Variants in RP1 observed in about 807,000 individuals in gnomAD.
The protein encoded by RP1 is oxygen-regulated protein 1.
RP1 carries 16 observed loss-of-function variants against 14.8 expected under a neutral mutation model. That is an observed-to-expected ratio of 1.08 (90% CI 0.73 to 1.65). RP1 has a LOEUF of 1.65. Ranked by LOEUF, RP1 falls within the 40% of genes most tolerant of loss-of-function variation. The probability of loss-of-function intolerance (pLI) is 0.00; values close to 1 mark genes in which losing one functional copy is unlikely to be tolerated. For synonymous variants in RP1, 876 were observed against 883.6 expected, an observed-to-expected ratio of 0.99 and a Z score of 0.15; for missense variants, 2,631 against 2,535.0, an observed-to-expected ratio of 1.04 and a Z score of -0.81.
At chr8:54,696,869 G>A in intron 12 of RP1, 2 of 767,978 alleles carry the variant, frequency 2.6e-6, no homozygotes, top group Middle Eastern at 3.6e-4. Flanking sequence ...ATGTGGACAA[G>A]CCAAGGTCAA....
chr8:54,847,718 T>G (rs1011561081), intron 25 of RP1, among the ~76,000 whole-genome samples: 13 of 152,240 alleles, frequency 8.5e-5, no homozygotes, highest in African/African-American at 3.1e-4. Flanking sequence ...TTATCCAACC[T>G]GCTGCTATTC....
intron 26 of RP1, among the ~76,000 whole-genome samples, chr8:54,853,973 AAG>A (rs1204708003): frequency 2.6e-5 from 4 of 151,580 alleles, no homozygotes; most frequent in African/African-American, 4.8e-5. Flanking sequence ...GAGAGAAAGA[AAG>A]AGAAAGAAAG....
At chr8:54,854,241 C>T (rs1233075546) in intron 26 of RP1, among the ~76,000 whole-genome samples, 1 of 152,022 alleles carries the variant, frequency 6.6e-6, no homozygotes, top group East Asian at 1.9e-4. Context: ...AATTACAGTA[C>T]CAGGTATCAA....
intron 24 of RP1, among the ~76,000 whole-genome samples, chr8:54,826,020 A>G (rs547090918): frequency 3.3e-5 from 5 of 152,252 alleles, no homozygotes; most frequent in African/African-American, 1.2e-4. Context: ...GTGAAGCAGG[A>G]TTGTAACCAC....
intron 19 of RP1, among the ~76,000 whole-genome samples, chr8:54,750,537 A>T (rs964029458): frequency 6.6e-6 from 1 of 152,194 alleles, no homozygotes; most frequent in Non-Finnish European, 1.5e-5. Context: ...TCAAGTGGGG[A>T]CTTGGAGAAC....
At chr8:54,813,665 G>A (rs190127244) in intron 24 of RP1, among the ~76,000 whole-genome samples, 6 of 152,280 alleles carry the variant, frequency 3.9e-5, no homozygotes, top group Admixed American at 2.0e-4. Context: ...CATATGTACA[G>A]TCACATGGAC....
intron 14 of RP1, among the ~76,000 whole-genome samples, chr8:54,705,714 G>A (rs1808134481): frequency 6.6e-6 from 1 of 152,144 alleles, no homozygotes; most frequent in African/African-American, 2.4e-5. Context: ...ACTAGTTTCA[G>A]CAGTGTAGGA....
At chr8:54,622,643 C>T (rs1009890476) in intron 3 of RP1, among the ~76,000 whole-genome samples, 16 of 152,176 alleles carry the variant, frequency 1.1e-4, no homozygotes, top group Non-Finnish European at 2.1e-4. Context: ...TAAATAGTAC[C>T]ATGCAGCATC....
intron 26 of RP1, among the ~76,000 whole-genome samples, chr8:54,853,112 C>G (rs890559323): frequency 1.3e-5 from 2 of 152,150 alleles, no homozygotes; most frequent in African/African-American, 4.8e-5. Context: ...AACATGGTAT[C>G]AGCATGGCTT....
intron 17 of RP1, among the ~76,000 whole-genome samples, chr8:54,732,541 G>A (rs1320891719): frequency 6.6e-6 from 1 of 152,126 alleles, no homozygotes; most frequent in East Asian, 1.9e-4. Flanking sequence ...TTGAGTGAAA[G>A]TGATTCTTTT....
intron 12 of RP1, among the ~76,000 whole-genome samples, chr8:54,687,813 T>G (rs557717620): frequency 2.0e-5 from 3 of 152,334 alleles, no homozygotes; most frequent in Admixed American, 2.0e-4. Flanking sequence ...TATAATCCTT[T>G]GGGTATATGC....
chr8:54,837,715 A>C (rs1463954598), intron 25 of RP1: 1 of 1,081,236 alleles, frequency 9.2e-7, no homozygotes, highest in Admixed American at 4.2e-5. Context: ...AAATTAAAAT[A>C]ATTGAGATGA....
At chr8:54,587,177 A>T (rs1804950501) in intron 1 of RP1, among the ~76,000 whole-genome samples, 1 of 152,168 alleles carries the variant, frequency 6.6e-6, no homozygotes. Flanking sequence ...AGTCCCAGTG[A>T]TCTTTAGAGA....
intron 24 of RP1, among the ~76,000 whole-genome samples, chr8:54,817,130 T>C (rs1811152392): frequency 6.6e-6 from 1 of 152,136 alleles, no homozygotes; most frequent in Admixed American, 6.5e-5. Flanking sequence ...GTCTGTCTTG[T>C]CTCATTAGAC....
At chr8:54,685,665 A>T (rs1250187352) in intron 12 of RP1, among the ~76,000 whole-genome samples, 1 of 150,272 alleles carries the variant, frequency 6.7e-6, no homozygotes, top group Non-Finnish European at 1.5e-5. Flanking sequence ...ACATGATGAG[A>T]TTTTTTTTTT....
intron 8 of RP1, among the ~76,000 whole-genome samples, chr8:54,676,824 C>A (rs1363241623): frequency 6.6e-6 from 1 of 152,138 alleles, no homozygotes; most frequent in Non-Finnish European, 1.5e-5. Context: ...TCTTTACAGC[C>A]TCCTCAGTTC....
intron 24 of RP1, among the ~76,000 whole-genome samples, chr8:54,800,489 G>A (rs1190668931): frequency 6.6e-6 from 1 of 152,000 alleles, no homozygotes; most frequent in East Asian, 1.9e-4. Context: ...GATTCCAAAT[G>A]TATGTATATA....
At chr8:54,693,115 A>G (rs2129340146) in intron 12 of RP1, among the ~76,000 whole-genome samples, 1 of 152,272 alleles carries the variant, frequency 6.6e-6, no homozygotes, top group Middle Eastern at 3.4e-3. Flanking sequence ...TTTGTCAAAG[A>G]TCAGATGGTT....
chr8:54,716,981 A>T (rs1024062779), intron 15 of RP1, among the ~76,000 whole-genome samples: 1 of 152,064 alleles, frequency 6.6e-6, no homozygotes, highest in African/African-American at 2.4e-5. Flanking sequence ...CTCCAAGTGG[A>T]GTTGTCTCTC....
Sources: gnomAD v4.1 joint callset for allele counts (sites outside exome capture counted in the v4.1 genomes callset) on GRCh38, gnomAD v4.1.1 for gene constraint, MANE v1.5 for transcripts, NCBI Gene and HGNC (gene_info 2026-07-23, HGNC 2026-07-21) for gene names.